CENPC: variants seen among roughly 807,000 people sequenced by gnomAD.
CENPC encodes centromere protein C, also known as CENP-C 1.
A neutral mutation model predicts 112.1 loss-of-function variants in CENPC; 63 were observed. The observed-to-expected ratio is 0.56, with a 90% CI of 0.46 to 0.69. The LOEUF (loss-of-function observed/expected upper bound fraction) is 0.69. Among genes scored for constraint, CENPC ranks in the 30% least tolerant of loss-of-function variants. The pLI is 0.00. For synonymous variants in CENPC, 333 were observed against 367.6 expected (o/e 0.91, Z 1.08); for missense variants, 1,000 against 1,103.8 (o/e 0.91, Z 1.33).
At chr4:67,491,034 T>C (rs1398840882) in intron 16 of CENPC, among the ~76,000 whole-genome samples, 1 of 151,274 alleles carries the variant, frequency 6.6e-6, no homozygotes, top group Non-Finnish European at 1.5e-5. Flanking sequence ...TAAGCTCTGT[T>C]ACCAAATAAA....
intron 5 of CENPC, 61 bp from the exon 6 acceptor site, chr4:67,519,563 G>A (rs946022436): frequency 3.5e-6 from 4 of 1,138,098 alleles, no homozygotes; most frequent in Non-Finnish European, 4.7e-6. Context: ...AATCAAGCAG[G>A]CTTTTTAAAA....
At chr4:67,511,552 T>G (rs1725892295) in intron 9 of CENPC, among the ~76,000 whole-genome samples, 1 of 152,200 alleles carries the variant, frequency 6.6e-6, no homozygotes, top group African/African-American at 2.4e-5. Flanking sequence ...CCCTGTAAAC[T>G]TAAATTTCAG....
Position 67,471,934 on chromosome 4 carries a change from T to C in CENPC, c.*671A>G, listed in dbSNP as rs1412581499. ...CATGTAATATACTAAATAGATGTCA[T>C]GCCAACACAGACACACAAGGTGAGA... is the stretch of plus-strand genomic sequence containing the variant. On this transcript the variant is annotated 3_prime_UTR_variant, in exon 19 of 19. Transcript: ENST00000273853. 1.3e-5 allele frequency: 2 copies of C among 152,204 alleles called. No homozygotes were observed. The highest frequency in any genetic ancestry group is 2.9e-5 in the Non-Finnish European group (2 of 68,034). The allele number at this position is 152,204 out of a possible 1,614,324, so 9.4% of individuals were successfully genotyped here.
chr4:67,495,442 A>C (rs1725405770), intron 12 of CENPC, among the ~76,000 whole-genome samples: 1 of 152,106 alleles, frequency 6.6e-6, no homozygotes, highest in Non-Finnish European at 1.5e-5. Flanking sequence ...AATCCACCTT[A>C]TTTTGTGGTT....
intron 5 of CENPC, among the ~76,000 whole-genome samples, chr4:67,520,228 AAAG>A: frequency 6.6e-6 from 1 of 152,306 alleles, no homozygotes; most frequent in Admixed American, 6.5e-5. Context: ...CTGCATTGGC[AAAG>A]CAACAAAGCC....
At chr4:67,516,168 G>C (rs971209268) in intron 7 of CENPC, among the ~76,000 whole-genome samples, 3 of 151,954 alleles carry the variant, frequency 2.0e-5, no homozygotes, top group Non-Finnish European at 4.4e-5. Context: ...ATTAAGACTA[G>C]TGCATTGAGA....
At chr4:67,502,434 C>A (rs1250018872) in intron 12 of CENPC, among the ~76,000 whole-genome samples, 1 of 152,072 alleles carries the variant, frequency 6.6e-6, no homozygotes, top group Non-Finnish European at 1.5e-5. Flanking sequence ...AAGCAGAAGT[C>A]ACAATACTAA....
chr4:67,526,137 A>AG (rs1344270550), intron 5 of CENPC, among the ~76,000 whole-genome samples: 1 of 152,086 alleles, frequency 6.6e-6, no homozygotes, highest in African/African-American at 2.4e-5. Context: ...GGACACAGGG[A>AG]GGGAAACATC....
intron 2 of CENPC, among the ~76,000 whole-genome samples, chr4:67,542,453 A>C (rs1726914380): frequency 6.6e-6 from 1 of 152,206 alleles, no homozygotes; most frequent in South Asian, 2.1e-4. Flanking sequence ...CATCCATCAT[A>C]AAGTTTTATA....
Position 67,508,971 on chromosome 4 carries a change from T to C in CENPC, c.1747A>G (p.Thr583Ala), listed in dbSNP as rs746109854. The stretch of plus-strand genomic sequence containing the variant: ...ACTCTTTGGTTGCCTTTAGTTGCTG[T>C]CTTCTGCCTTTTAAGTGGAATAGTT... ...KKTIPLKRQK[T>A]ATKGNQRVQK... The change falls in exon 10 of 19, where the codon ACA (threonine) becomes GCA (alanine). Residue 583 changes from threonine (T) to alanine (A), a missense_variant. Physicochemically the swap from Thr to Ala is moderately conservative, Grantham distance 58. Transcript: ENST00000273853. 72 of 1,613,546 alleles carry C rather than the reference T, an allele frequency of 4.5e-5. No individual in the cohort carries two copies. Among genetic ancestry groups the C allele is most frequent in the Non-Finnish European group, 2.6e-5 (31 of 1,179,742 alleles).
chr4:67,489,882 A>C (rs1191334694), intron 17 of CENPC, 85 bp downstream of exon 17: 1 of 1,168,836 alleles, frequency 8.6e-7, no homozygotes, highest in Non-Finnish European at 1.2e-6. Flanking sequence ...CATTTCTGAG[A>C]AAACAGCATT....
At chr4:67,487,396 G>T (rs1342648823) in intron 17 of CENPC, among the ~76,000 whole-genome samples, 1 of 151,574 alleles carries the variant, frequency 6.6e-6, no homozygotes, top group African/African-American at 2.4e-5. Context: ...AGTTATTCTT[G>T]TTAATACTCA....
chr4:67,541,325 A>G (rs1327685424), intron 2 of CENPC, among the ~76,000 whole-genome samples: 2 of 152,178 alleles, frequency 1.3e-5, no homozygotes, highest in Non-Finnish European at 2.9e-5. Context: ...TTACTGCTGT[A>G]TCTCAAAAAC....
chr4:67,502,501 T>C (rs1725619268), intron 12 of CENPC, among the ~76,000 whole-genome samples: 1 of 152,090 alleles, frequency 6.6e-6, no homozygotes, highest in South Asian at 2.1e-4. Flanking sequence ...AGCAGATAAA[T>C]TTGACCAAAG....
chr4:67,499,693 T>C (rs1020212734), intron 12 of CENPC, among the ~76,000 whole-genome samples: 1 of 152,224 alleles, frequency 6.6e-6, no homozygotes, highest in Non-Finnish European at 1.5e-5. Context: ...TTCACTGTAG[T>C]AGCACTTTTC....
At chr4:67,522,096 C>A (rs1156815678) in intron 5 of CENPC, among the ~76,000 whole-genome samples, 2 of 151,938 alleles carry the variant, frequency 1.3e-5, no homozygotes, top group Non-Finnish European at 2.9e-5. Context: ...TTATATTATA[C>A]AATATTTTAA....
intron 17 of CENPC, among the ~76,000 whole-genome samples, chr4:67,484,595 A>G (rs928185132): frequency 2.0e-5 from 3 of 152,178 alleles, no homozygotes. Flanking sequence ...CCTTATGAAA[A>G]TCTAATGCCA....
At chr4:67,498,784 T>C (rs1725510299) in intron 12 of CENPC, among the ~76,000 whole-genome samples, 1 of 152,218 alleles carries the variant, frequency 6.6e-6, no homozygotes, top group Non-Finnish European at 1.5e-5. Flanking sequence ...AATCAACTTC[T>C]TCCAAGCTCC....
At chr4:67,512,687 T>C in intron 8 of CENPC, 118 bp from the exon 9 acceptor site, 1 of 647,814 alleles carries the variant, frequency 1.5e-6, no homozygotes, top group Non-Finnish European at 2.4e-6. Flanking sequence ...CCTGTGGCCT[T>C]TTCATCTCCA....
Sources: gnomAD v4.1 joint callset for allele counts (sites outside exome capture counted in the v4.1 genomes callset) on GRCh38, gnomAD v4.1.1 for gene constraint, MANE v1.5 for transcripts, NCBI Gene and HGNC (gene_info 2026-07-23, HGNC 2026-07-21) for gene names.